BMAL2: variants seen among roughly 807,000 people sequenced by gnomAD.
BMAL2 encodes the protein basic helix-loop-helix ARNT-like protein 2.
At chr12:27,372,083 T>TA in the BMAL2 span, among the ~76,000 whole-genome samples, 1 of 152,112 alleles carries the variant, frequency 6.6e-6, no homozygotes, top group South Asian at 2.1e-4. Context: ...ACAAAAAAAT[T>TA]AGCCAGGCAT....
chr12:27,364,774 C>T, the BMAL2 span, among the ~76,000 whole-genome samples: 6 of 152,130 alleles, frequency 3.9e-5, no homozygotes, highest in Non-Finnish European at 8.8e-5. Flanking sequence ...AATTCAAAAG[C>T]CTGGCATATC....
At chr12:27,346,255 T>C in the BMAL2 span, among the ~76,000 whole-genome samples, 1 of 151,998 alleles carries the variant, frequency 6.6e-6, no homozygotes, top group Non-Finnish European at 1.5e-5. Flanking sequence ...AAACCTTTGT[T>C]TTGTTTGTTT....
chr12:27,379,212 A>G, the BMAL2 span, among the ~76,000 whole-genome samples: 5 of 152,202 alleles, frequency 3.3e-5, no homozygotes, highest in African/African-American at 1.2e-4. Flanking sequence ...GTAGTACAGG[A>G]AGAATTGAAA....
the BMAL2 span, among the ~76,000 whole-genome samples, chr12:27,364,166 A>G: frequency 1.3e-5 from 2 of 152,196 alleles, no homozygotes; most frequent in African/African-American, 2.4e-5. Flanking sequence ...AATCCTGTCT[A>G]TGAGGGTGGA....
the BMAL2 span, among the ~76,000 whole-genome samples, chr12:27,416,486 A>G: frequency 6.6e-6 from 1 of 152,230 alleles, no homozygotes; most frequent in African/African-American, 2.4e-5. Context: ...TTTGAAATGC[A>G]TTATTGTATA....
chr12:27,405,312 C>T, the BMAL2 span, among the ~76,000 whole-genome samples: 1 of 152,204 alleles, frequency 6.6e-6, no homozygotes, highest in Non-Finnish European at 1.5e-5. Flanking sequence ...CAAGTGGGTC[C>T]CTGACCCCTG....
At chr12:27,418,246 CT>C in the BMAL2 span, 2 of 1,200,416 alleles carry the variant, frequency 1.7e-6, no homozygotes, top group South Asian at 2.7e-5. Flanking sequence ...CAAAACCCCC[CT>C]CTTAATCACT....
the BMAL2 span, chr12:27,370,102 G>A: frequency 1.4e-5 from 21 of 1,552,976 alleles, no homozygotes; most frequent in Non-Finnish European, 1.8e-5. Flanking sequence ...CTGGGTAGGG[G>A]GTGACCCAAG....
At chr12:27,421,865 C>T in the BMAL2 span, 2 of 152,240 alleles carry the variant, frequency 1.3e-5, no homozygotes, top group Middle Eastern at 3.4e-3. Flanking sequence ...AAACATTGGT[C>T]TCACAGATTA....
chr12:27,374,640 G>A, the BMAL2 span, among the ~76,000 whole-genome samples: 1 of 152,336 alleles, frequency 6.6e-6, no homozygotes, highest in South Asian at 2.1e-4. Context: ...GACTTAATCT[G>A]ACCCTCTCTT....
the BMAL2 span, among the ~76,000 whole-genome samples, chr12:27,412,696 A>AACACAC: frequency 5.3e-5 from 8 of 149,896 alleles, no homozygotes; most frequent in African/African-American, 2.0e-4. Context: ...TTAAAAACAA[A>AACACAC]ACACACACAC....
At chr12:27,370,252 A>C in the BMAL2 span, 2 of 1,554,770 alleles carry the variant, frequency 1.3e-6, no homozygotes, top group Non-Finnish European at 1.8e-6. Flanking sequence ...ACTGTCTTTG[A>C]CATACTCTCT....
At chr12:27,370,090 A>T in the BMAL2 span, 1 of 1,469,558 alleles carries the variant, frequency 6.8e-7, no homozygotes, top group South Asian at 1.1e-5. Context: ...TTCCCAGAAC[A>T]TCTGGGTAGG....
the BMAL2 span, among the ~76,000 whole-genome samples, chr12:27,400,006 G>A: frequency 6.6e-6 from 1 of 152,008 alleles, no homozygotes; most frequent in Non-Finnish European, 1.5e-5. Flanking sequence ...ATTTCTCCAA[G>A]TGTTCTTTAA....
the BMAL2 span, among the ~76,000 whole-genome samples, chr12:27,381,597 C>T: frequency 1.3e-5 from 2 of 152,144 alleles, no homozygotes; most frequent in Non-Finnish European, 2.9e-5. Context: ...CACCTCCCAC[C>T]AGGCCCCACC....
At chr12:27,387,629 G>A in the BMAL2 span, among the ~76,000 whole-genome samples, 1,116 of 152,322 alleles carry the variant, frequency 7.3e-3, 15 homozygotes, top group African/African-American at 0.025. Flanking sequence ...ATATTTAAGA[G>A]TGTCTGAAAA....
At chr12:27,407,921 G>A in the BMAL2 span, among the ~76,000 whole-genome samples, 18 of 151,954 alleles carry the variant, frequency 1.2e-4, no homozygotes, top group East Asian at 3.9e-4. Flanking sequence ...TATCACCACC[G>A]ACCCCACAGA....
chr12:27,361,422 C>A, the BMAL2 span, among the ~76,000 whole-genome samples: 2 of 152,086 alleles, frequency 1.3e-5, no homozygotes, highest in African/African-American at 4.8e-5. Flanking sequence ...ATCACGATAT[C>A]TTCGTTTAAC....
chr12:27,371,685 C>T, the BMAL2 span, among the ~76,000 whole-genome samples: 2 of 150,456 alleles, frequency 1.3e-5, no homozygotes, highest in African/African-American at 4.9e-5. Flanking sequence ...TGCCTCTGCA[C>T]TTTTTCACTT....
Sources: gnomAD v4.1 joint callset for allele counts (sites outside exome capture counted in the v4.1 genomes callset) on GRCh38, gnomAD v4.1.1 for gene constraint, MANE v1.5 for transcripts, NCBI Gene and HGNC (gene_info 2026-07-23, HGNC 2026-07-21) for gene names.